NUBPL: variants seen among roughly 807,000 people sequenced by gnomAD.
The protein encoded by NUBPL is NUBP iron-sulfur cluster assembly factor, mitochondrial, also known as iron-sulfur cluster transfer protein NUBPL.
NUBPL carries 31 observed loss-of-function variants against 45.7 expected under a neutral mutation model. The ratio of observed to expected loss-of-function variants is 0.68; its 90% CI spans 0.51 to 0.92. The LOEUF (loss-of-function observed/expected upper bound fraction) is 0.92, where lower values mean the gene tolerates loss of function less well. NUBPL is among the 40% of genes least tolerant of loss of function. The pLI is 0.00. For synonymous variants in NUBPL, 144 were observed against 140.9 expected (o/e 1.02, Z -0.15); for missense variants, 401 against 398.7 (o/e 1.01, Z -0.05).
At chr14:31,612,917 T>C (rs1260317997) in intron 4 of NUBPL, among the ~76,000 whole-genome samples, 2 of 152,104 alleles carry the variant, frequency 1.3e-5, no homozygotes, top group Non-Finnish European at 2.9e-5. Context: ...AGAGCTACCA[T>C]ATGACCCAGC....
chr14:31,582,627 AT>A (rs1045952202), intron 3 of NUBPL, among the ~76,000 whole-genome samples: 2 of 150,768 alleles, frequency 1.3e-5, no homozygotes, highest in Non-Finnish European at 1.5e-5. Context: ...AGTATTACTT[AT>A]TTTTTTTTCC....
intron 3 of NUBPL, among the ~76,000 whole-genome samples, chr14:31,568,550 T>G (rs2033498415): frequency 6.6e-6 from 1 of 152,242 alleles, no homozygotes; most frequent in South Asian, 2.1e-4. Flanking sequence ...CAAATGAATC[T>G]TCGGCCAACA....
rs373694375 is a variant in NUBPL, at chr14:31,834,398, C to T, written c.693+7684C>T. ...GTTTCACCGTGTTAGCCAGGATGGT[C>T]TCGATCTCCTGACTTCATGATCTGC... On this transcript the variant is annotated intron_variant, in intron 8 of 10. Coordinates refer to ENST00000281081, the MANE Select transcript of NUBPL (RefSeq NM_025152.3). Among the ~76,000 whole-genome samples, 140 of 152,142 alleles carry T rather than the reference C, an allele frequency of 9.2e-4. 2 individuals carry two copies. In the South Asian group the frequency reaches 0.011, roughly 12 times the overall value.
chr14:31,711,877 G>A (rs1037882514), intron 6 of NUBPL, among the ~76,000 whole-genome samples: 5 of 151,980 alleles, frequency 3.3e-5, no homozygotes, highest in East Asian at 1.9e-4. Context: ...TGGCACATCC[G>A]GAGTTGTTTG....
chr14:31,731,782 C>G (rs1467499576), intron 6 of NUBPL, among the ~76,000 whole-genome samples: 2 of 152,088 alleles, frequency 1.3e-5, no homozygotes, highest in African/African-American at 4.8e-5. Flanking sequence ...CCTTTTCTAG[C>G]CTTCCTCAGA....
At chr14:31,798,051 T>C (rs530467720) in intron 7 of NUBPL, among the ~76,000 whole-genome samples, 2 of 148,914 alleles carry the variant, frequency 1.3e-5, no homozygotes, top group South Asian at 4.2e-4. Flanking sequence ...TTAAGAATGT[T>C]GAATATTGGC....
At chr14:31,654,137 A>G (rs2036082300) in intron 4 of NUBPL, 8 of 453,436 alleles carry the variant, frequency 1.8e-5, no homozygotes, top group Non-Finnish European at 4.4e-6. Context: ...TCAATAAAGT[A>G]AGCAACATGA....
chr14:31,663,489 A>G (rs1226440411), intron 4 of NUBPL, among the ~76,000 whole-genome samples: 1 of 152,212 alleles, frequency 6.6e-6, no homozygotes, highest in Non-Finnish European at 1.5e-5. Context: ...TGTTTATTAA[A>G]TAGGGAATCC....
At chr14:31,646,958 C>CT in intron 4 of NUBPL, among the ~76,000 whole-genome samples, 1 of 151,604 alleles carries the variant, frequency 6.6e-6, no homozygotes, top group Non-Finnish European at 1.5e-5. Context: ...CTTACTGATT[C>CT]TTTCCTTTGC....
intron 3 of NUBPL, among the ~76,000 whole-genome samples, chr14:31,572,213 C>T (rs1163732719): frequency 6.6e-6 from 1 of 151,840 alleles, no homozygotes; most frequent in African/African-American, 2.4e-5. Context: ...AATCTTGGCT[C>T]ACTGCAATCT....
At chr14:31,753,569 C>T (rs2038580954) in intron 6 of NUBPL, among the ~76,000 whole-genome samples, 1 of 152,150 alleles carries the variant, frequency 6.6e-6, no homozygotes, top group Non-Finnish European at 1.5e-5. Context: ...TGTGGCAATG[C>T]AGGGGCTGTT....
At position 31,581,202 on chromosome 14, in the gene NUBPL, C is replaced by CTTT. The variant is rs751566032; in HGVS notation, c.291+16171_291+16173dup. Among the ~76,000 whole-genome samples, 313 of 103,300 alleles carry CTTT rather than the reference C, an allele frequency of 3.0e-3. 3 individuals carry two copies. The highest frequency in any genetic ancestry group is 9.3e-3 in the African/African-American group (300 of 32,102). The allele number at this position is 103,300 out of a possible 152,430, so 67.8% of individuals were successfully genotyped here. On this transcript the variant is annotated intron_variant, in intron 3 of 10. Coordinates refer to ENST00000281081, the MANE Select transcript of NUBPL (RefSeq NM_025152.3). ...TGGATGGTGAAGGAAAGAGATGGTT[C>CTTT]TTTTTTTTTTTTTTTTTTTGGTATG...
Position 31,673,400 on chromosome 14 carries a change from C to CAT in NUBPL, c.422+15_422+16dup, listed in dbSNP as rs2036621721. On this transcript the variant is annotated splice_region_variant and intron_variant, in intron 5 of 10. Transcript: ENST00000281081. ...TTGAATTATGGTATTGCTTGGTGAGCATATATATATTTTTAATGTTACTTT... is the reference window on the plus strand; with the variant it reads ...TTGAATTATGGTATTGCTTGGTGAGCATATATATATATTTTTAATGTTACTTT... 3.1e-6 allele frequency: 5 copies of CAT among 1,607,000 alleles called. No homozygotes were observed. The highest frequency in any genetic ancestry group is 4.3e-6 in the Non-Finnish European group (5 of 1,175,366).
At chr14:31,836,441 C>T (rs1182520665) in intron 8 of NUBPL, among the ~76,000 whole-genome samples, 1 of 152,090 alleles carries the variant, frequency 6.6e-6, no homozygotes, top group Non-Finnish European at 1.5e-5. Flanking sequence ...AGGATATACA[C>T]AATAGCTCTA....
chr14:31,745,822 G>A (rs536997625), intron 6 of NUBPL, among the ~76,000 whole-genome samples: 4 of 152,020 alleles, frequency 2.6e-5, no homozygotes, highest in South Asian at 2.1e-4. Context: ...AAAACAGGAC[G>A]GGAAGTTGAG....
At chr14:31,640,320 T>C (rs1330510420) in intron 4 of NUBPL, among the ~76,000 whole-genome samples, 1 of 152,078 alleles carries the variant, frequency 6.6e-6, no homozygotes, top group African/African-American at 2.4e-5. Context: ...AAGAAACGCT[T>C]TGGGGCCAGG....
chr14:31,660,056 T>C (rs987646530), intron 4 of NUBPL, among the ~76,000 whole-genome samples: 1 of 152,152 alleles, frequency 6.6e-6, no homozygotes, highest in Non-Finnish European at 1.5e-5. Context: ...AGCCATAACA[T>C]TACAAAAACA....
chr14:31,653,538 G>T (rs12895305), intron 4 of NUBPL, among the ~76,000 whole-genome samples: 1 of 151,968 alleles, frequency 6.6e-6, no homozygotes, highest in African/African-American at 2.4e-5. Flanking sequence ...TATTCTGCCC[G>T]ACCCCGCAGG....
At chr14:31,603,931 G>T (rs1029407356) in intron 4 of NUBPL, among the ~76,000 whole-genome samples, 4 of 152,068 alleles carry the variant, frequency 2.6e-5, no homozygotes, top group African/African-American at 9.7e-5. Context: ...CATTATGTTT[G>T]TCTCTTGATT....
Sources: allele counts gnomAD v4.1 joint callset (sites outside exome capture counted in the v4.1 genomes callset), GRCh38; gene constraint gnomAD v4.1.1; transcripts MANE v1.5; gene names NCBI Gene and HGNC (gene_info 2026-07-23, HGNC 2026-07-21).